Variants in CRADD observed in about 807,000 individuals in gnomAD.
CRADD encodes CARD and death domain containing adaptor protein.
Under a neutral mutation model 15.5 loss-of-function variants are expected in CRADD, and 9 were observed. The observed-to-expected ratio is 0.58, with a 90% CI of 0.35 to 1.01. CRADD has a LOEUF of 1.01. Ranked by LOEUF, CRADD falls within the 50% of genes least tolerant of loss-of-function variation. CRADD has a pLI of 0.02. For missense variants in CRADD, 227 were observed against 250.3 expected (o/e 0.91, Z 0.63); for synonymous variants, 118 against 107.6 (o/e 1.10, Z -0.60).
chr12:93,770,543 A>T (rs1162945062), intron 2 of CRADD, among the ~76,000 whole-genome samples: 1 of 152,238 alleles, frequency 6.6e-6, no homozygotes, highest in Non-Finnish European at 1.5e-5. Flanking sequence ...CTCAAACAGC[A>T]CTTACCAAAA....
intron 2 of CRADD, among the ~76,000 whole-genome samples, chr12:93,893,673 A>C (rs1368417648): frequency 2.0e-5 from 3 of 152,184 alleles, no homozygotes; most frequent in Non-Finnish European, 4.4e-5. Context: ...TGGGAGGCTG[A>C]GATGGGCCGA....
chr12:93,757,104 A>G (rs1189714996), intron 2 of CRADD, among the ~76,000 whole-genome samples: 1 of 152,256 alleles, frequency 6.6e-6, no homozygotes, highest in East Asian at 1.9e-4. Flanking sequence ...TGGAAAATTT[A>G]CTAAAACATA....
At chr12:93,784,601 C>T (rs756178220) in intron 2 of CRADD, among the ~76,000 whole-genome samples, 1 of 151,950 alleles carries the variant, frequency 6.6e-6, no homozygotes, top group African/African-American at 2.4e-5. Flanking sequence ...ACCCTTTGTT[C>T]TGTGTCAGAG....
At chr12:93,721,456 C>T (rs1956261829) in intron 2 of CRADD, among the ~76,000 whole-genome samples, 3 of 151,220 alleles carry the variant, frequency 2.0e-5, no homozygotes, top group South Asian at 4.2e-4. Flanking sequence ...CACAAACACA[C>T]ACACATATAT....
chr12:93,839,703 G>A (rs1024996907), intron 2 of CRADD, among the ~76,000 whole-genome samples: 10 of 152,062 alleles, frequency 6.6e-5, no homozygotes, highest in Admixed American at 6.6e-5. Context: ...TTATGTGCTC[G>A]CTTTTGTGTT....
intron 2 of CRADD, among the ~76,000 whole-genome samples, chr12:93,701,394 A>G (rs1023782834): frequency 6.6e-6 from 1 of 151,914 alleles, no homozygotes; most frequent in Non-Finnish European, 1.5e-5. Flanking sequence ...CCAGAGGCCA[A>G]GGCTTCTTCT....
chr12:93,820,156 C>A (rs1340693723), intron 2 of CRADD, among the ~76,000 whole-genome samples: 1 of 152,178 alleles, frequency 6.6e-6, no homozygotes, highest in Non-Finnish European at 1.5e-5. Context: ...TCCTCAATAT[C>A]TTTGGAGCCT....
intron 2 of CRADD, among the ~76,000 whole-genome samples, chr12:93,769,276 G>A (rs749769501): frequency 1.4e-4 from 22 of 151,966 alleles, no homozygotes; most frequent in Non-Finnish European, 2.4e-4. Context: ...TAGAGGTGGG[G>A]TTTCTCCACG....
chr12:93,863,582 ATGTG>A (rs1320607362), intron 2 of CRADD, among the ~76,000 whole-genome samples: 1 of 137,374 alleles, frequency 7.3e-6, no homozygotes, highest in African/African-American at 2.7e-5. Flanking sequence ...GCCTTTGAAA[ATGTG>A]TGGAGGCATT....
chr12:93,712,493 G>T (rs1299429789), intron 2 of CRADD, among the ~76,000 whole-genome samples: 4 of 152,124 alleles, frequency 2.6e-5, no homozygotes, highest in Non-Finnish European at 4.4e-5. Flanking sequence ...TTTTGAACAG[G>T]CCAGAAAAAA....
chr12:93,735,010 T>C (rs572910927), intron 2 of CRADD, among the ~76,000 whole-genome samples: 1 of 152,292 alleles, frequency 6.6e-6, no homozygotes, highest in Admixed American at 6.5e-5. Flanking sequence ...CAGGATTTTG[T>C]TGACTGTCTG....
intron 2 of CRADD, among the ~76,000 whole-genome samples, chr12:93,726,190 G>A (rs1467650327): frequency 2.2e-5 from 3 of 136,218 alleles, no homozygotes; most frequent in Non-Finnish European, 4.6e-5. Context: ...TGCAACCTTC[G>A]CCTCCCAGGT....
intron 2 of CRADD, among the ~76,000 whole-genome samples, chr12:93,778,802 T>C (rs532909677): frequency 4.1e-4 from 62 of 152,118 alleles, no homozygotes; most frequent in Non-Finnish European, 7.9e-4. Flanking sequence ...TATTAGAATT[T>C]CTTTTTGTGT....
At chr12:93,842,121 CTCT>C (rs1958055824) in intron 2 of CRADD, among the ~76,000 whole-genome samples, 1 of 95,492 alleles carries the variant, frequency 1.0e-5, no homozygotes, top group Admixed American at 9.5e-5. Flanking sequence ...TCTGCTGCAC[CTCT>C]TCTTAGCCGT....
At chr12:93,844,253 A>G (rs934027040) in intron 2 of CRADD, among the ~76,000 whole-genome samples, 1 of 152,182 alleles carries the variant, frequency 6.6e-6, no homozygotes, top group African/African-American at 2.4e-5. Flanking sequence ...GGATTAATTT[A>G]TGGCTTGACC....
chr12:93,716,873 A>T (rs1460551304), intron 2 of CRADD, among the ~76,000 whole-genome samples: 1 of 152,216 alleles, frequency 6.6e-6, no homozygotes, highest in Admixed American at 6.5e-5. Context: ...ATGCATTTTC[A>T]GTTCATTTAG....
intron 2 of CRADD, among the ~76,000 whole-genome samples, chr12:93,876,079 C>T (rs1187371048): frequency 6.6e-6 from 1 of 152,086 alleles, no homozygotes; most frequent in Non-Finnish European, 1.5e-5. Context: ...GCCAAATATA[C>T]TATTCTAGGG....
At chr12:93,890,678 A>G (rs1958569823) in intron 2 of CRADD, among the ~76,000 whole-genome samples, 1 of 151,670 alleles carries the variant, frequency 6.6e-6, no homozygotes, top group Non-Finnish European at 1.5e-5. Context: ...TTTTCAATCT[A>G]CCTATAGCCT....
At position 93,681,324 on chromosome 12, in the gene CRADD, A is replaced by C. The variant is rs114640494; in HGVS notation, c.298+2252A>C. On this transcript the variant is annotated intron_variant, in intron 2 of 2. Transcript: ENST00000332896. ...ACAGAATGAAGCAGTACATAATGGG[A>C]AAAAAATTGAGCATATCTGTGTAGA... Among the ~76,000 whole-genome samples, 890 of 152,334 alleles carry C rather than the reference A, an allele frequency of 5.8e-3. 5 individuals are homozygous for C. Among genetic ancestry groups the C allele is most frequent in the African/African-American group, 0.02 (847 of 41,562 alleles).
Sources: allele counts gnomAD v4.1 joint callset (sites outside exome capture counted in the v4.1 genomes callset), GRCh38; gene constraint gnomAD v4.1.1; transcripts MANE v1.5; gene names NCBI Gene and HGNC (gene_info 2026-07-23, HGNC 2026-07-21).